PFAS: variants seen among roughly 807,000 people sequenced by gnomAD.
PFAS encodes the protein phosphoribosylformylglycinamidine synthase.
Under a neutral mutation model 140.6 loss-of-function variants are expected in PFAS, and 97 were observed. That is an observed-to-expected ratio of 0.69 (90% confidence interval 0.59 to 0.82). The LOEUF is 0.82. Among genes scored for constraint, PFAS ranks in the 40% least tolerant of loss-of-function variants. The pLI, the probability that PFAS is intolerant of heterozygous loss-of-function variation, is 0.00. For synonymous variants in PFAS, 679 were observed against 718.8 expected (o/e 0.94, Z 0.88); for missense variants, 1,656 against 1,780.2 (o/e 0.93, Z 1.26).
chr17:8,268,749 G>T lies in PFAS; in HGVS notation c.3599G>T (p.Gly1200Val). 2 of 1,612,294 alleles carry T rather than the reference G, an allele frequency of 1.2e-6. No homozygotes were observed. Among genetic ancestry groups the T allele is most frequent in the Non-Finnish European group, 1.7e-6 (2 of 1,179,884 alleles). Residue 1200 changes from glycine to valine, a missense_variant, in exon 27 of 28, where the codon GGG becomes GTG. Physicochemically the swap from Gly to Val is moderately radical, Grantham distance 109 (BLOSUM62 -3). Transcript: ENST00000314666. The part of the protein sequence containing the change: ...PGLLLRHNLS[G>V]RYESRWASVR... ...CTTCTGCTACGCCACAACCTGTCTG[G>T]GCGCTACGAGTCTCGCTGGGCCAGC...
At chr17:8,256,722 G>A in intron 8 of PFAS, 74 bp downstream of exon 8, 1 of 1,565,470 alleles carries the variant, frequency 6.4e-7, no homozygotes, top group Non-Finnish European at 8.6e-7. Context: ...CCCCTGGAGT[G>A]GGCCTGGGGA....
In PFAS at chr17:8,266,111, G is replaced by A; in HGVS notation, c.2701+94G>A. 1 of 1,534,124 alleles carries A rather than the reference G, an allele frequency of 6.5e-7. No individual in the cohort carries two copies. The highest frequency in any genetic ancestry group is 8.9e-7 in the Non-Finnish European group (1 of 1,127,278). ...CAGTGGGGCAAAAGGGACTCCAATG[G>A]ACGATGTACCCCAGATCCCCTGACA... On this transcript the variant is annotated intron_variant, in intron 21 of 27. Coordinates refer to ENST00000314666, the MANE Select transcript of PFAS (RefSeq NM_012393.3). The surrounding 1 kb of genome is among the most constrained non-coding windows in gnomAD (Gnocchi z 5.0).
intron 9 of PFAS, among the ~76,000 whole-genome samples, chr17:8,257,582 ACT>A (rs1319475323): frequency 6.6e-6 from 1 of 151,928 alleles, no homozygotes; most frequent in South Asian, 2.1e-4. Flanking sequence ...AGCCTGTGTA[ACT>A]CTGATTGCGA....
At chr17:8,256,448 G>A (rs531200591) in intron 7 of PFAS, 41 bp downstream of exon 7, 1 of 1,613,754 alleles carries the variant, frequency 6.2e-7, no homozygotes, top group Admixed American at 1.7e-5. Context: ...GACCCGGGGA[G>A]GGGAGGCCCC....
chr17:8,261,599 A>C (rs1989596244), intron 11 of PFAS, among the ~76,000 whole-genome samples: 1 of 150,332 alleles, frequency 6.7e-6, no homozygotes, highest in African/African-American at 2.4e-5. Context: ...ACATCTATTC[A>C]GATCCTTTCC....
rs573066925 is a variant in PFAS, at chr17:8,254,005, G to T, written c.68G>T (p.Arg23Leu). The T allele has an allele frequency of 6.2e-7, 1 of 1,614,002 alleles. No homozygotes were observed. The highest frequency in any genetic ancestry group is 8.5e-7 in the Non-Finnish European group (1 of 1,180,038). ...GAGGGGGCAGCCCCTGGACACACTC[G>T]GAGGAAACTGCAAGGGAAACTGCCA... is the stretch of plus-strand genomic sequence containing the variant. ...GHEGAAPGHT[R>L]RKLQGKLPEL... The change falls in exon 2 of 28, where the codon CGG becomes CTG. Residue 23 changes from arginine (R) to leucine (L), a missense_variant. Physicochemically the swap from Arg to Leu is moderately radical, Grantham distance 102. Coordinates refer to ENST00000314666, the MANE Select transcript of PFAS (RefSeq NM_012393.3).
chr17:8,263,070 C>T (rs373095227), intron 12 of PFAS, 39 bp from the exon 13 acceptor site: 3 of 1,612,154 alleles, frequency 1.9e-6, no homozygotes, highest in South Asian at 2.2e-5. Context: ...TAGGAGCTTC[C>T]AGTCTCGCTG....
At chr17:8,255,932 C>G in intron 6 of PFAS, 22 bp downstream of exon 6, 1 of 1,550,208 alleles carries the variant, frequency 6.5e-7, no homozygotes, top group South Asian at 1.1e-5. Flanking sequence ...TGGGGTTGTT[C>G]CCATACCTGA....
Position 8,255,877 on chromosome 17 carries a change from C to T in PFAS, c.647C>T (p.Thr216Ile), listed in dbSNP as rs1438809442. 42 of 1,614,026 alleles carry T rather than the reference C, an allele frequency of 2.6e-5. No individual in the cohort carries two copies. Among genetic ancestry groups the T allele is most frequent in the Non-Finnish European group, 3.4e-5 (40 of 1,179,900 alleles). Residue 216 changes from threonine to isoleucine, a missense_variant, in exon 6 of 28, where the codon ACT (threonine) becomes ATT (isoleucine). Physicochemically the swap from Thr to Ile is moderately conservative, Grantham distance 89. Around this residue, in one of 2 missense-constraint regions of PFAS, gnomAD observed 773 missense variants for 757.3 expected, o/e 1.02. Coordinates refer to ENST00000314666, the MANE Select transcript of PFAS (RefSeq NM_012393.3). ...RFQELQRNPS[T>I]VEAFDLAQSN... ...CAGGAGCTACAGCGGAACCCGAGCA[C>T]TGTGGAGGCCTTTGACTTGGCGCAG...
chr17:8,263,786 A>G lies in PFAS; in HGVS notation c.1641A>G (p.Pro547=), dbSNP rs773429099. The change falls in exon 15 of 28, where the codon CCA becomes CCG. Residue 547 remains proline (P), a synonymous_variant. Coordinates refer to ENST00000314666, the MANE Select transcript of PFAS (RefSeq NM_012393.3). ...IYTSRFQLGD[P]TLNALEIWGA... ...CCGTGGCTGTGCAGCTTGGGGACCC[A>G]ACCCTGAATGCCCTGGAAATCTGGG... 5.6e-6 allele frequency: 9 copies of G among 1,613,578 alleles called. No individual in the cohort carries two copies. The African/African-American group carries it at 1.2e-4, about 22-fold the overall frequency.
chr17:8,268,311 T>C (rs2151598250), intron 26 of PFAS, among the ~76,000 whole-genome samples: 1 of 142,586 alleles, frequency 7.0e-6, no homozygotes, highest in Non-Finnish European at 1.5e-5. Flanking sequence ...AGGCAGAGGT[T>C]GTAGTGAGCC....
chr17:8,263,468 T>G, intron 13 of PFAS, 107 bp from the exon 14 acceptor site: 2 of 1,101,022 alleles, frequency 1.8e-6, no homozygotes, highest in Non-Finnish European at 1.4e-6. Context: ...GCGGCAGCAG[T>G]TGACACAGGA....
chr17:8,264,680 C>A, intron 17 of PFAS, 79 bp downstream of exon 17: 1 of 1,447,732 alleles, frequency 6.9e-7, no homozygotes, highest in Non-Finnish European at 9.3e-7. Context: ...TTAGAAAGTG[C>A]TGTGGGGGTT....
Position 8,269,234 on chromosome 17 carries a change from C to A in PFAS, c.3987C>A (p.Ala1329=), listed in dbSNP as rs770429108. 6.2e-7 allele frequency: 1 copy of A among 1,611,482 alleles called. No individual in the cohort carries two copies. Among genetic ancestry groups the A allele is most frequent in the African/African-American group, 1.3e-5 (1 of 75,040 alleles). Residue 1329 remains alanine (A), a synonymous_variant, in exon 28 of 28, where the codon GCC becomes GCA. Transcript: ENST00000314666. Reference sequence around the variant, plus strand: ...CCTGGCTCCAGCTCTTTATCAATGCCCGAAACTGGACCCTGGAAGGGAGCT... The same window carrying A: ...CCTGGCTCCAGCTCTTTATCAATGCACGAAACTGGACCCTGGAAGGGAGCT... ...TSPWLQLFIN[A]RNWTLEGSC is the part of the protein sequence containing the mutation.
chr17:8,260,100 C>CAA (rs202218821), intron 11 of PFAS, among the ~76,000 whole-genome samples: 11 of 142,566 alleles, frequency 7.7e-5, no homozygotes, highest in Admixed American at 2.1e-4. Context: ...GACTCTGTCT[C>CAA]AAAAAAAAAA....
chr17:8,247,876 C>T, upstream of PFAS: 1 of 909,064 alleles, frequency 1.1e-6, no homozygotes, highest in Non-Finnish European at 1.8e-6. Context: ...GACCGACTCA[C>T]AACCCCCTCA....
At chr17:8,249,286 A>G (rs991675475), upstream of PFAS, 2 of 152,100 alleles carry the variant, frequency 1.3e-5, no homozygotes, top group African/African-American at 4.8e-5. Context: ...CGGATGACGT[A>G]ACAAACGCGC....
At chr17:8,268,084 G>T (rs1348024287) in intron 26 of PFAS, among the ~76,000 whole-genome samples, 1 of 140,836 alleles carries the variant, frequency 7.1e-6, no homozygotes, top group African/African-American at 2.6e-5. Context: ...TTTTTGAGAC[G>T]GAGTTTCACC....
rs747458224 is a variant in PFAS at position 8,256,574 on chromosome 17, G to A, written c.872G>A (p.Arg291Gln). 1.4e-5 allele frequency: 23 copies of A among 1,613,962 alleles called. No homozygotes were observed. In the South Asian group the frequency reaches 1.5e-4, roughly 11 times the overall value. The change falls in exon 8 of 28, where the codon CGG becomes CAG. Residue 291 changes from arginine to glutamine, a missense_variant. By Grantham distance (43) the Arg-to-Gln change is conservative (BLOSUM62 1). Transcript: ENST00000314666. ...VRFLRPEDPT[R>Q]PSRFQQQQGL... ...TTCCTACGGCCTGAGGACCCCACAC[G>A]GCCAAGCCGCTTCCAGCAACAGCAA...
Sources: allele counts gnomAD v4.1 joint callset (sites outside exome capture counted in the v4.1 genomes callset), GRCh38; gene constraint gnomAD v4.1.1; regional missense constraint gnomAD v4.1.1; non-coding constraint Gnocchi (gnomAD v3.1); transcripts MANE v1.5; gene names NCBI Gene and HGNC (gene_info 2026-07-23, HGNC 2026-07-21).